RBFOX3: variants seen among roughly 807,000 people sequenced by gnomAD.
RBFOX3 encodes RNA binding protein fox-1 homolog 3.
Under a neutral mutation model 48.7 loss-of-function variants are expected in RBFOX3, and 17 were observed. That is an observed-to-expected ratio of 0.35 (90% CI 0.24 to 0.52). RBFOX3 has a LOEUF of 0.52. Among genes scored for constraint, RBFOX3 ranks in the 20% least tolerant of loss-of-function variants. The probability of loss-of-function intolerance (pLI) is 0.94; values close to 1 mark genes in which losing one functional copy is unlikely to be tolerated. For synonymous variants in RBFOX3, 212 were observed against 209.5 expected, an observed-to-expected ratio of 1.01 and a Z score of -0.10; for missense variants, 382 against 497.5, an observed-to-expected ratio of 0.77 and a Z score of 2.21.
intron 3 of RBFOX3, among the ~76,000 whole-genome samples, chr17:79,258,775 CT>C (rs1400754634): frequency 1.3e-5 from 2 of 152,194 alleles, no homozygotes; most frequent in African/African-American, 2.4e-5. Flanking sequence ...GGCTCATCTC[CT>C]AGTGGGAATC....
rs549198181 is a variant in RBFOX3, at chr17:79,222,375, T to C, written c.-34+13391A>G. Among the ~76,000 whole-genome samples, 78 of 152,362 alleles carry C rather than the reference T, an allele frequency of 5.1e-4. 1 individual carries two copies. The highest frequency in any genetic ancestry group is 9.3e-4 in the Non-Finnish European group (63 of 68,040). ...TGCCAGTCTTGCAGCCTCTGTGGGC[T>C]GCGTCGCTGCTCTCCACCTTAGTGT... On this transcript the variant is annotated intron_variant, in intron 4 of 14. Coordinates refer to ENST00000693108, the MANE Select transcript of RBFOX3 (RefSeq NM_001350451.2).
At chr17:79,422,013 C>A (rs2066486193) in intron 2 of RBFOX3, among the ~76,000 whole-genome samples, 1 of 151,932 alleles carries the variant, frequency 6.6e-6, no homozygotes, top group Non-Finnish European at 1.5e-5. Flanking sequence ...TGCTGGCTTC[C>A]AGCCTCATGG....
chr17:79,452,892 G>A (rs1240102102), intron 2 of RBFOX3, among the ~76,000 whole-genome samples: 1 of 152,224 alleles, frequency 6.6e-6, no homozygotes, highest in African/African-American at 2.4e-5. Context: ...AGCCAGTGGA[G>A]AGGAAGCAGC....
At chr17:79,478,778 G>C (rs1187891867) in intron 2 of RBFOX3, among the ~76,000 whole-genome samples, 20 of 152,212 alleles carry the variant, frequency 1.3e-4, no homozygotes, top group Admixed American at 5.2e-4. Context: ...CTCAGCCACT[G>C]CATGTAACAG....
the RBFOX3 span, among the ~76,000 whole-genome samples, chr17:79,642,027 G>A: frequency 2.6e-5 from 4 of 152,018 alleles, no homozygotes; most frequent in Non-Finnish European, 5.9e-5. Flanking sequence ...TTTTTTTAAT[G>A]AGTTACCCAG....
At chr17:79,506,592 G>C (rs1555778847) in intron 1 of RBFOX3, among the ~76,000 whole-genome samples, 2 of 152,216 alleles carry the variant, frequency 1.3e-5, no homozygotes, top group Non-Finnish European at 2.9e-5. Flanking sequence ...CCGGGGAGCT[G>C]GACCCCAGAT....
rs763803178 is a variant in RBFOX3, at chr17:79,312,902, G to A, written c.-174-5078C>T. On this transcript the variant is annotated intron_variant, in intron 2 of 14. Coordinates refer to ENST00000693108, the MANE Select transcript of RBFOX3 (RefSeq NM_001350451.2). ...AGAGAAAGGACAGGCAGCTTAGACAGGGCTGCAGGGCCACAGTGGGACCGA... is the reference window on the plus strand; with the variant it reads ...AGAGAAAGGACAGGCAGCTTAGACAAGGCTGCAGGGCCACAGTGGGACCGA... Among the ~76,000 whole-genome samples, 3 of 152,158 alleles carry A rather than the reference G, an allele frequency of 2.0e-5. No individual in the cohort carries two copies. The East Asian group carries it at 5.8e-4, about 29-fold the overall frequency.
chr17:79,122,636 G>T (rs999753256), intron 4 of RBFOX3, among the ~76,000 whole-genome samples: 1 of 152,246 alleles, frequency 6.6e-6, no homozygotes, highest in Non-Finnish European at 1.5e-5. Flanking sequence ...CCACTACGGA[G>T]AACAGTTTGG....
chr17:79,153,231 C>G (rs972558776), intron 4 of RBFOX3, among the ~76,000 whole-genome samples: 1 of 152,202 alleles, frequency 6.6e-6, no homozygotes, highest in African/African-American at 2.4e-5. Flanking sequence ...GCGGACACAG[C>G]AGGCAACGAC....
At chr17:79,573,174 C>A (rs1260209967) in intron 1 of RBFOX3, among the ~76,000 whole-genome samples, 1 of 152,302 alleles carries the variant, frequency 6.6e-6, no homozygotes, top group Non-Finnish European at 1.5e-5. Context: ...GAGCCAAGCC[C>A]AGCCACTCTA....
chr17:79,611,130 TTCTCTCTC>T (rs1173570495), upstream of RBFOX3, among the ~76,000 whole-genome samples: 7 of 37,816 alleles, frequency 1.9e-4, no homozygotes, highest in African/African-American at 1.5e-3. Flanking sequence ...TCCGCCCTCC[TTCTCTCTC>T]TCTCTCTCTC....
intron 4 of RBFOX3, among the ~76,000 whole-genome samples, chr17:79,192,607 T>A (rs2054737031): frequency 6.6e-6 from 1 of 152,122 alleles, no homozygotes; most frequent in Non-Finnish European, 1.5e-5. Context: ...TGGATGTGGA[T>A]GTCCATGGCT....
At chr17:79,585,294 G>A (rs1208175295) in intron 1 of RBFOX3, among the ~76,000 whole-genome samples, 3 of 152,008 alleles carry the variant, frequency 2.0e-5, no homozygotes, top group Non-Finnish European at 4.4e-5. Flanking sequence ...GATGGCTCAC[G>A]CCTGTAATCC....
At chr17:79,322,327 C>T (rs187088267) in intron 2 of RBFOX3, among the ~76,000 whole-genome samples, 18 of 152,270 alleles carry the variant, frequency 1.2e-4, no homozygotes, top group East Asian at 7.7e-4. Context: ...GCTGGGGCTA[C>T]GCACTCCGAA....
intron 4 of RBFOX3, among the ~76,000 whole-genome samples, chr17:79,191,344 G>C (rs1027762859): frequency 4.6e-5 from 7 of 152,170 alleles, no homozygotes; most frequent in African/African-American, 1.7e-4. Context: ...AAAGACTCTG[G>C]AAAAAGCAGC....
At chr17:79,140,053 C>T (rs568934541) in intron 4 of RBFOX3, among the ~76,000 whole-genome samples, 5 of 152,342 alleles carry the variant, frequency 3.3e-5, no homozygotes, top group Admixed American at 2.6e-4. Context: ...CAGGCCACCC[C>T]GCCCTGTGGC....
At chr17:79,530,207 C>T (rs1487920100) in intron 1 of RBFOX3, among the ~76,000 whole-genome samples, 2 of 152,124 alleles carry the variant, frequency 1.3e-5, no homozygotes, top group African/African-American at 2.4e-5. Flanking sequence ...CTGTGCACCA[C>T]GGAGAGAGTG....
chr17:79,095,040 G>A (rs2074903048), intron 13 of RBFOX3, among the ~76,000 whole-genome samples: 1 of 152,092 alleles, frequency 6.6e-6, no homozygotes, highest in African/African-American at 2.4e-5. Context: ...GCTGGGCCAC[G>A]GCACCCTGTA....
intron 2 of RBFOX3, among the ~76,000 whole-genome samples, chr17:79,335,931 T>A (rs997669875): frequency 6.6e-6 from 1 of 152,238 alleles, no homozygotes; most frequent in South Asian, 2.1e-4. Flanking sequence ...CTTATCCTAT[T>A]CAATGGGTTT....
Sources: gnomAD v4.1 joint callset for allele counts (sites outside exome capture counted in the v4.1 genomes callset) on GRCh38, gnomAD v4.1.1 for gene constraint, MANE v1.5 for transcripts, NCBI Gene and HGNC (gene_info 2026-07-23, HGNC 2026-07-21) for gene names.